The following PCCA variants were observed in gnomAD, a reference collection of about 807,000 sequenced individuals.
The protein encoded by PCCA is propionyl-CoA carboxylase subunit alpha, also known as propionyl-CoA carboxylase alpha chain, mitochondrial.
A neutral mutation model predicts 101.3 loss-of-function variants in PCCA; 74 were observed. The ratio of observed to expected loss-of-function variants is 0.73; its 90% CI spans 0.61 to 0.89. PCCA has a LOEUF of 0.89. Ranked by LOEUF, PCCA falls within the 40% of genes least tolerant of loss-of-function variation. The pLI, the probability that PCCA is intolerant of heterozygous loss-of-function variation, is 0.00. For missense variants in PCCA, 891 were observed against 907.0 expected, an observed-to-expected ratio of 0.98 and a Z score of 0.23; for synonymous variants, 294 against 313.6, an observed-to-expected ratio of 0.94 and a Z score of 0.66.
intron 21 of PCCA, among the ~76,000 whole-genome samples, chr13:100,487,313 T>C (rs1480534622): frequency 6.6e-6 from 1 of 152,172 alleles, no homozygotes; most frequent in Non-Finnish European, 1.5e-5. Context: ...ACTCCAGGTT[T>C]CTAACATCTG....
intron 6 of PCCA, among the ~76,000 whole-genome samples, chr13:100,159,466 C>T (rs374186006): frequency 6.6e-5 from 10 of 152,138 alleles, no homozygotes; most frequent in African/African-American, 1.2e-4. Context: ...CTGGTTCCCG[C>T]GCAGAATGCT....
chr13:100,456,904 C>A (rs138364921), intron 21 of PCCA, among the ~76,000 whole-genome samples: 1 of 152,026 alleles, frequency 6.6e-6, no homozygotes, highest in Admixed American at 6.5e-5. Flanking sequence ...CCACAAGAAG[C>A]TGGTGGAGCA....
At chr13:100,499,062 G>A (rs112933610) in intron 21 of PCCA, among the ~76,000 whole-genome samples, 1 of 152,130 alleles carries the variant, frequency 6.6e-6, no homozygotes, top group Non-Finnish European at 1.5e-5. Flanking sequence ...GTGGAAAACC[G>A]TGAGTTGTGA....
intron 10 of PCCA, among the ~76,000 whole-genome samples, chr13:100,267,711 CA>C (rs1241761165): frequency 6.6e-6 from 1 of 152,096 alleles, no homozygotes; most frequent in Non-Finnish European, 1.5e-5. Flanking sequence ...ATGTTCTAGG[CA>C]AAAACTTTAA....
At chr13:100,158,570 T>G (rs1448334278) in intron 6 of PCCA, among the ~76,000 whole-genome samples, 1 of 152,226 alleles carries the variant, frequency 6.6e-6, no homozygotes, top group Non-Finnish European at 1.5e-5. Flanking sequence ...CCTTTTTATT[T>G]TTTATCTTCC....
At chr13:100,336,298 C>G (rs749219094) in intron 17 of PCCA, among the ~76,000 whole-genome samples, 3 of 152,024 alleles carry the variant, frequency 2.0e-5, no homozygotes, top group Non-Finnish European at 4.4e-5. Context: ...ACCCAAAAAA[C>G]AGAAAACACT....
chr13:100,134,954 C>T (rs1292357756), intron 4 of PCCA, among the ~76,000 whole-genome samples: 2 of 150,802 alleles, frequency 1.3e-5, no homozygotes, highest in African/African-American at 4.9e-5. Context: ...GTTGCCCAGG[C>T]TGGCCTCAAA....
intron 21 of PCCA, among the ~76,000 whole-genome samples, chr13:100,482,349 G>C (rs1014004398): frequency 6.6e-6 from 1 of 152,176 alleles, no homozygotes; most frequent in African/African-American, 2.4e-5. Context: ...AGGATGAAGA[G>C]AAGGGGCCAA....
At chr13:100,131,152 G>A (rs2050475813) in intron 4 of PCCA, among the ~76,000 whole-genome samples, 1 of 152,144 alleles carries the variant, frequency 6.6e-6, no homozygotes, top group South Asian at 2.1e-4. Flanking sequence ...CTTGGCTTAA[G>A]TAGGGAAAGT....
chr13:100,347,036 A>G (rs1036419028), intron 18 of PCCA, among the ~76,000 whole-genome samples: 7 of 151,734 alleles, frequency 4.6e-5, no homozygotes, highest in African/African-American at 1.7e-4. Context: ...ACCACACCCC[A>G]CTAATTTTTT....
intron 8 of PCCA, among the ~76,000 whole-genome samples, chr13:100,252,739 A>G (rs1487983417): frequency 6.6e-6 from 1 of 152,172 alleles, no homozygotes; most frequent in East Asian, 1.9e-4. Context: ...ATCTTCCTTC[A>G]TTCATCCCCT....
At chr13:100,418,026 C>T (rs1439247842) in intron 19 of PCCA, among the ~76,000 whole-genome samples, 1 of 152,188 alleles carries the variant, frequency 6.6e-6, no homozygotes, top group African/African-American at 2.4e-5. Context: ...AGACCAGCAG[C>T]CAGTTCCTGG....
At chr13:100,382,361 T>G (rs2076277184) in intron 19 of PCCA, among the ~76,000 whole-genome samples, 1 of 152,120 alleles carries the variant, frequency 6.6e-6, no homozygotes, top group South Asian at 2.1e-4. Context: ...GCTTCTCCTC[T>G]CTGCTGATTG....
chr13:100,148,989 G>T lies in PCCA; in HGVS notation c.301-5990G>T, dbSNP rs7337677. 2.1e-3 allele frequency among the ~76,000 whole-genome samples: 317 copies of T among 152,032 alleles called. 1 individual carries two copies. Among genetic ancestry groups the T allele is most frequent in the African/African-American group, 7.3e-3 (301 of 41,464 alleles). On this transcript the variant is annotated intron_variant, in intron 4 of 23. Transcript: ENST00000376285. ...TAGTTTTTCAAAATGGAATCAAAGC[G>T]AATCTTTAAAAAAAATCATTTTGTT...
At chr13:100,490,758 A>G (rs1348216966) in intron 21 of PCCA, 2 of 152,170 alleles carry the variant, frequency 1.3e-5, no homozygotes, top group Non-Finnish European at 2.9e-5. Flanking sequence ...AGCGCTGTCA[A>G]TGTTTGGACA....
chr13:100,232,659 G>T (rs554818947), intron 7 of PCCA, among the ~76,000 whole-genome samples: 28 of 152,268 alleles, frequency 1.8e-4, no homozygotes, highest in African/African-American at 5.3e-4. Flanking sequence ...GGGATTACAG[G>T]TGTGAGCCAC....
At chr13:100,109,869 G>A (rs1279750046) in intron 2 of PCCA, among the ~76,000 whole-genome samples, 1 of 152,086 alleles carries the variant, frequency 6.6e-6, no homozygotes, top group Admixed American at 6.6e-5. Context: ...TGGTGGCTCA[G>A]GCTTGTAATC....
In PCCA at chr13:100,235,846, CAGA is replaced by C. The variant is rs750672608; in HGVS notation, c.611_613del (p.Glu204del). The C allele has an allele frequency of 2.6e-5, 42 of 1,605,424 alleles. No individual in the cohort carries two copies. Among genetic ancestry groups the C allele is most frequent in the African/African-American group, 8.0e-5 (6 of 74,770 alleles). On this transcript the variant is annotated inframe_deletion, in exon 8 of 24. Transcript: ENST00000376285. ...TCTCATTTCCTGCTTTTACAGGATGCAGAAGAAGCTGTCAGAATTGCAAGGGAA... is the reference window on the plus strand; with the variant it reads ...TCTCATTTCCTGCTTTTACAGGATGCAGAAGCTGTCAGAATTGCAAGGGAA...
chr13:100,494,972 A>G (rs1172283725), intron 21 of PCCA, among the ~76,000 whole-genome samples: 1 of 152,108 alleles, frequency 6.6e-6, no homozygotes, highest in Non-Finnish European at 1.5e-5. Flanking sequence ...ATAGCATTTC[A>G]TTTTCTCAAC....
Sources: gnomAD v4.1 joint callset for allele counts (sites outside exome capture counted in the v4.1 genomes callset) on GRCh38, gnomAD v4.1.1 for gene constraint, MANE v1.5 for transcripts, NCBI Gene and HGNC (gene_info 2026-07-23, HGNC 2026-07-21) for gene names.